Variants in PLXNC1 observed in about 807,000 individuals in gnomAD.
PLXNC1 encodes the protein plexin-C1.
A neutral mutation model predicts 178.2 loss-of-function variants in PLXNC1; 75 were observed. The observed-to-expected ratio is 0.42, with a 90% CI of 0.35 to 0.51. The LOEUF is 0.51. Ranked by LOEUF, PLXNC1 falls within the 20% of genes least tolerant of loss-of-function variation. PLXNC1 has a pLI of 0.02. For missense variants in PLXNC1, 1,503 were observed against 1,984.4 expected (o/e 0.76, Z 4.61); for synonymous variants, 790 against 779.9 (o/e 1.01, Z -0.22).
chr12:94,259,828 C>A, intron 19 of PLXNC1, 94 bp downstream of exon 19: 4 of 1,095,124 alleles, frequency 3.7e-6, no homozygotes, highest in Non-Finnish European at 3.7e-6. Context: ...TTTTGGGAGG[C>A]CAAGGCAGGC....
Position 94,289,174 on chromosome 12 carries a change from G to A in PLXNC1, c.3880-5312G>A, listed in dbSNP as rs143277609. On this transcript the variant is annotated intron_variant, in intron 23 of 30. Coordinates refer to ENST00000258526, the MANE Select transcript of PLXNC1 (RefSeq NM_005761.3). ...TTATAAAGAAATCTTACCTTCACTT[G>A]CAAGTGGTTTGGAGGATGTGTAGCT... Among the ~76,000 whole-genome samples, 309 of 152,110 alleles carry A rather than the reference G, an allele frequency of 2.0e-3. 1 individual carries two copies. Among genetic ancestry groups the A allele is most frequent in the Non-Finnish European group, 3.5e-3 (237 of 67,918 alleles).
At position 94,149,482 on chromosome 12, in the gene PLXNC1, C is replaced by T. The variant is rs1416406283; in HGVS notation, c.511C>T (p.Arg171Trp). 3.3e-6 allele frequency: 5 copies of T among 1,520,320 alleles called. No homozygotes were observed. Among genetic ancestry groups the T allele is most frequent in the Non-Finnish European group, 4.4e-6 (5 of 1,140,174 alleles). The allele number at this position is 1,520,320 out of a possible 1,614,324, so 94.2% of individuals were successfully genotyped here. A position where few individuals can be genotyped will look rare whatever the true frequency, so the allele number is the denominator to read the frequency against. Residue 171 changes from arginine (R) to tryptophan (W), a missense_variant, in exon 1 of 31, where the codon CGG becomes TGG. By Grantham distance (101) the Arg-to-Trp change is moderately radical. Transcript: ENST00000258526. ...STAGVVYRAGRNNRWYLAVAA... is the reference protein window; with the variant it reads ...STAGVVYRAGWNNRWYLAVAA... Reference sequence around the variant, plus strand: ...GGCCGGCGTGGTGTACCGCGCGGGCCGGAACAACCGCTGGTACCTGGCGGT... The same window carrying T: ...GGCCGGCGTGGTGTACCGCGCGGGCTGGAACAACCGCTGGTACCTGGCGGT...
chr12:94,223,256 T>G (rs1413406817), intron 6 of PLXNC1, among the ~76,000 whole-genome samples: 1 of 152,070 alleles, frequency 6.6e-6, no homozygotes, highest in Admixed American at 6.6e-5. Flanking sequence ...TCAACTAAAA[T>G]AAATAAATAA....
intron 3 of PLXNC1, among the ~76,000 whole-genome samples, chr12:94,185,237 GC>G (rs1295223008): frequency 6.6e-6 from 1 of 152,192 alleles, no homozygotes; most frequent in Non-Finnish European, 1.5e-5. Context: ...AAATGGAAGG[GC>G]GTGGTTATCC....
chr12:94,172,483 T>G (rs766857071), intron 2 of PLXNC1, among the ~76,000 whole-genome samples: 6 of 152,178 alleles, frequency 3.9e-5, no homozygotes, highest in Non-Finnish European at 7.3e-5. Context: ...TTTTCCTTAT[T>G]GTAAAGGTAA....
chr12:94,200,537 C>T (rs1451160712), intron 4 of PLXNC1, among the ~76,000 whole-genome samples: 1 of 152,112 alleles, frequency 6.6e-6, no homozygotes, highest in Non-Finnish European at 1.5e-5. Flanking sequence ...TCAGGAGGAT[C>T]GGGTTTTAAT....
At chr12:94,187,191 AG>A (rs1241926851) in intron 4 of PLXNC1, among the ~76,000 whole-genome samples, 12 of 103,706 alleles carry the variant, frequency 1.2e-4, no homozygotes, top group East Asian at 3.0e-4. Context: ...AGAGAGAGAG[AG>A]AAAAAAAAAC....
At chr12:94,300,162 T>C (rs567236233) in intron 27 of PLXNC1, among the ~76,000 whole-genome samples, 1 of 152,294 alleles carries the variant, frequency 6.6e-6, no homozygotes, top group South Asian at 2.1e-4. Flanking sequence ...GGTCCCATTC[T>C]AATAGTTGGG....
intron 23 of PLXNC1, among the ~76,000 whole-genome samples, chr12:94,286,084 G>T (rs1160711830): frequency 6.6e-6 from 1 of 152,234 alleles, no homozygotes; most frequent in Non-Finnish European, 1.5e-5. Flanking sequence ...CTTCACTGCA[G>T]ACATCGGCCG....
At chr12:94,192,344 GCACAA>G (rs1441264772) in intron 4 of PLXNC1, among the ~76,000 whole-genome samples, 1 of 151,838 alleles carries the variant, frequency 6.6e-6, no homozygotes, top group East Asian at 1.9e-4. Flanking sequence ...TATTTTTTAA[GCACAA>G]CAATGTGCTA....
intron 23 of PLXNC1, among the ~76,000 whole-genome samples, chr12:94,284,083 A>AG (rs201943489): frequency 5.8e-4 from 76 of 131,268 alleles, no homozygotes; most frequent in East Asian, 5.1e-3. Context: ...ACTCCATGTC[A>AG]GGGGAAAAAA....
chr12:94,177,715 C>A (rs1203313354), intron 2 of PLXNC1, among the ~76,000 whole-genome samples: 3 of 152,060 alleles, frequency 2.0e-5, no homozygotes, highest in Non-Finnish European at 4.4e-5. Flanking sequence ...CAATGTTGCA[C>A]CCAACTAGAT....
intron 2 of PLXNC1, among the ~76,000 whole-genome samples, chr12:94,170,938 A>G (rs570781301): frequency 4.9e-4 from 75 of 152,282 alleles, no homozygotes; most frequent in Non-Finnish European, 8.5e-4. Flanking sequence ...TATTGGACCC[A>G]TTTGCCTGGC....
chr12:94,251,201 T>C (rs994797567), intron 14 of PLXNC1, among the ~76,000 whole-genome samples: 1 of 152,184 alleles, frequency 6.6e-6, no homozygotes, highest in African/African-American at 2.4e-5. Context: ...GAGGGTCTAG[T>C]CCAGCATGTG....
chr12:94,254,760 C>T, intron 15 of PLXNC1, 27 bp from the exon 16 acceptor site: 1 of 1,532,902 alleles, frequency 6.5e-7, no homozygotes, highest in African/African-American at 1.4e-5. Flanking sequence ...TACCATGTCC[C>T]TCTGATGCAG....
rs771006499 is a variant in PLXNC1, at chr12:94,224,250, G to A, written c.1725G>A (p.Met575Ile). The A allele has an allele frequency of 1.2e-6, 2 of 1,603,712 alleles. No homozygotes were observed. Among genetic ancestry groups the A allele is most frequent in the East Asian group, 2.2e-5 (1 of 44,856 alleles). The change falls in exon 7 of 31, where the codon ATG becomes ATA. Residue 575 changes from methionine to isoleucine, a missense_variant. Met to Ile is a conservative substitution (Grantham distance 10). Coordinates refer to ENST00000258526, the MANE Select transcript of PLXNC1 (RefSeq NM_005761.3). ...TYKDVSVVNVMFSFGSWNLSD... is the reference protein window; with the variant it reads ...TYKDVSVVNVIFSFGSWNLSD... ...CAGATGTTTCAGTTGTCAACGTGAT[G>A]TTCTCCTTCGGTTCTTGGAATTTAT... is the stretch of plus-strand genomic sequence containing the variant.
intron 10 of PLXNC1, among the ~76,000 whole-genome samples, chr12:94,239,732 C>G (rs1312363253): frequency 6.6e-6 from 1 of 152,216 alleles, no homozygotes; most frequent in Non-Finnish European, 1.5e-5. Flanking sequence ...TGTTGGACAT[C>G]AGGAGCACCC....
At chr12:94,215,451 T>G (rs938406122) in intron 5 of PLXNC1, among the ~76,000 whole-genome samples, 1 of 152,022 alleles carries the variant, frequency 6.6e-6, no homozygotes, top group Non-Finnish European at 1.5e-5. Context: ...AATATAAAAT[T>G]CATCTGGAAT....
intron 20 of PLXNC1, chr12:94,262,412 C>G: frequency 1.2e-6 from 1 of 836,946 alleles, no homozygotes; most frequent in East Asian, 1.2e-4. Flanking sequence ...ATTCTTAACT[C>G]TGAGCTTTCA....
Sources: allele counts gnomAD v4.1 joint callset (sites outside exome capture counted in the v4.1 genomes callset), GRCh38; gene constraint gnomAD v4.1.1; transcripts MANE v1.5; gene names NCBI Gene and HGNC (gene_info 2026-07-23, HGNC 2026-07-21).